The following PWWP2B variants were observed in gnomAD, a reference collection of about 807,000 sequenced individuals.
PWWP2B encodes the protein PWWP domain containing 2B, also known as PWWP domain-containing protein 2B.
A neutral mutation model predicts 15.5 loss-of-function variants in PWWP2B; 9 were observed. The observed-to-expected ratio is 0.58, with a 90% CI of 0.35 to 1.02. The LOEUF (loss-of-function observed/expected upper bound fraction) is 1.02. Among genes scored for constraint, PWWP2B ranks in the 50% least tolerant of loss-of-function variants. The probability of loss-of-function intolerance (pLI) is 0.02; values close to 1 mark genes in which losing one functional copy is unlikely to be tolerated. For synonymous variants in PWWP2B, 474 were observed against 403.6 expected, an observed-to-expected ratio of 1.17 and a Z score of -2.09; for missense variants, 864 against 865.3, an observed-to-expected ratio of 1.00 and a Z score of 0.02.
intron 2 of PWWP2B, among the ~76,000 whole-genome samples, chr10:132,414,632 G>A (rs909990784): frequency 3.9e-5 from 6 of 152,258 alleles, no homozygotes; most frequent in Non-Finnish European, 8.8e-5. Context: ...GCTGTCAGCC[G>A]TGGAGTGGGT....
chr10:132,415,324 A>AC (rs374918831), intron 2 of PWWP2B, among the ~76,000 whole-genome samples: 2,389 of 144,642 alleles, frequency 0.017, 38 homozygotes, highest in African/African-American at 0.052. Context: ...ATCCACACAC[A>AC]CCCCCCCACA....
intron 1 of PWWP2B, 150 bp from the exon 2 acceptor site, chr10:132,404,476 C>G: frequency 2.8e-6 from 2 of 702,606 alleles, no homozygotes; most frequent in Admixed American, 4.4e-5. Flanking sequence ...CATTGGTTTA[C>G]CGTCCTGAAA....
intron 2 of PWWP2B, 24 bp downstream of exon 2, chr10:132,406,313 C>G (rs752906885): frequency 1.3e-6 from 2 of 1,562,024 alleles, no homozygotes; most frequent in Non-Finnish European, 8.7e-7. Flanking sequence ...CGGCAGCCTC[C>G]TTCCCCCCAG....
rs555640694 is a variant in PWWP2B at position 132,405,423 on chromosome 10, C to T, written c.923C>T (p.Ala308Val). The T allele has an allele frequency of 3.4e-5, 54 of 1,610,306 alleles. No individual in the cohort carries two copies. Among genetic ancestry groups the T allele is most frequent in the Admixed American group, 5.0e-5 (3 of 59,952 alleles). ...DRESRDRPSC[A>V]PSASIPKLKL... ...GAGTCCCGGGACCGGCCGTCCTGCG[C>T]GCCCTCGGCCTCCATCCCCAAGTTG... Residue 308 changes from alanine (A) to valine (V), a missense_variant, in exon 2 of 3, where the codon GCG becomes GTG. Around this residue, in one of 2 missense-constraint regions of PWWP2B, gnomAD observed 736 missense variants for 687.7 expected, o/e 1.07. Coordinates refer to ENST00000305233, the MANE Select transcript of PWWP2B (RefSeq NM_138499.4).
At chr10:132,408,958 G>T (rs1478366680) in intron 2 of PWWP2B, among the ~76,000 whole-genome samples, 2 of 152,240 alleles carry the variant, frequency 1.3e-5, no homozygotes, top group Non-Finnish European at 2.9e-5. Flanking sequence ...ACGCATGGCT[G>T]TGACACACTT....
At position 132,405,049 on chromosome 10, in the gene PWWP2B, C is replaced by G. The variant is rs1311532906; in HGVS notation, c.549C>G (p.Ser183Arg). 1 of 1,514,452 alleles carries G rather than the reference C, an allele frequency of 6.6e-7. No individual in the cohort carries two copies. Among genetic ancestry groups the G allele is most frequent in the Non-Finnish European group, 8.8e-7 (1 of 1,135,216 alleles). The allele number at this position is 1,514,452 out of a possible 1,614,324, so 93.8% of individuals were successfully genotyped here. Residue 183 changes from serine to arginine, a missense_variant, in exon 2 of 3, where the codon AGC becomes AGG. Ser to Arg is a moderately radical substitution (Grantham distance 110, BLOSUM62 -1). This residue lies in a region of PWWP2B where 736 missense variants were observed against 687.7 expected (regional missense o/e 1.07). Coordinates refer to ENST00000305233, the MANE Select transcript of PWWP2B (RefSeq NM_138499.4). ...AGGTGCTCTGTGAGAAGTGCAAGAG[C>G]ACGCTGAGCCCCCCGGAGGCCAGCC... is the stretch of plus-strand genomic sequence containing the variant. ...PRQVLCEKCK[S>R]TLSPPEASPG...
chr10:132,398,605 G>T (rs1474324448), intron 1 of PWWP2B, among the ~76,000 whole-genome samples: 1 of 152,242 alleles, frequency 6.6e-6, no homozygotes, highest in Non-Finnish European at 1.5e-5. Flanking sequence ...CTTGACTCGG[G>T]ACAAGGGAGG....
In PWWP2B at chr10:132,397,364, G is replaced by T; in HGVS notation, c.125+13G>T. The T allele has an allele frequency of 7.6e-7, 1 of 1,308,216 alleles. No homozygotes were observed. Among genetic ancestry groups the T allele is most frequent in the Non-Finnish European group, 9.8e-7 (1 of 1,019,424 alleles). 81.0% of individuals were successfully genotyped at this position (1,308,216 alleles called of 1,614,324 possible). A position where few individuals can be genotyped will look rare whatever the true frequency, so the allele number is the denominator to read the frequency against. ...ACTGCACGAAAAAGTGAGCGGGGGC[G>T]CGGGCCGGGACACCCCCGGGGTCCC... On this transcript the variant is annotated intron_variant, in intron 1 of 2. Transcript: ENST00000305233.
intron 2 of PWWP2B, among the ~76,000 whole-genome samples, chr10:132,406,605 T>G (rs1265819781): frequency 6.6e-6 from 1 of 152,250 alleles, no homozygotes; most frequent in African/African-American, 2.4e-5. Flanking sequence ...AGTCGTTGTT[T>G]GGAGTCAGGG....
At chr10:132,415,094 ACTG>A (rs1466395092) in intron 2 of PWWP2B, among the ~76,000 whole-genome samples, 2 of 152,206 alleles carry the variant, frequency 1.3e-5, no homozygotes, top group South Asian at 2.1e-4. Context: ...TAGACGATGT[ACTG>A]CTGCTGCTGC....
At chr10:132,414,843 A>G (rs1235388367) in intron 2 of PWWP2B, among the ~76,000 whole-genome samples, 1 of 152,174 alleles carries the variant, frequency 6.6e-6, no homozygotes, top group Non-Finnish European at 1.5e-5. Context: ...GGAGGCACTG[A>G]CGCATGGCTC....
At chr10:132,402,128 C>T (rs1306152759) in intron 1 of PWWP2B, among the ~76,000 whole-genome samples, 1 of 152,254 alleles carries the variant, frequency 6.6e-6, no homozygotes, top group Non-Finnish European at 1.5e-5. Flanking sequence ...GCTCAGGCTG[C>T]CCCCCACCCA....
intron 1 of PWWP2B, among the ~76,000 whole-genome samples, chr10:132,402,995 G>A (rs2069632587): frequency 6.6e-6 from 1 of 152,236 alleles, no homozygotes; most frequent in Non-Finnish European, 1.5e-5. Context: ...GCACCGCCCG[G>A]GACTGGCCTC....
At chr10:132,413,279 A>G (rs2069805411) in intron 2 of PWWP2B, among the ~76,000 whole-genome samples, 2 of 152,262 alleles carry the variant, frequency 1.3e-5, no homozygotes, top group Admixed American at 1.3e-4. Context: ...AAAATATAAC[A>G]ACATAATGTC....
At position 132,415,669 on chromosome 10, in the gene PWWP2B, TCA is replaced by T. The variant is rs752503185; in HGVS notation, c.*17-1383_*17-1382del. Among the ~76,000 whole-genome samples the T allele has an allele frequency of 3.5e-3, 479 of 135,310 alleles. 3 individuals carry two copies. Among genetic ancestry groups the T allele is most frequent in the Non-Finnish European group, 5.1e-3 (327 of 64,284 alleles). The allele number at this position is 135,310 out of a possible 152,430, so 88.8% of individuals were successfully genotyped here. On this transcript the variant is annotated intron_variant, in intron 2 of 2. Coordinates refer to ENST00000305233, the MANE Select transcript of PWWP2B (RefSeq NM_138499.4). The stretch of plus-strand genomic sequence containing the variant: ...CTCACACACACATGCACTCACACAC[TCA>T]CACACACATATCCACACACACATGC...
chr10:132,400,714 C>T (rs1002681600), intron 1 of PWWP2B, among the ~76,000 whole-genome samples: 3 of 152,232 alleles, frequency 2.0e-5, no homozygotes, highest in African/African-American at 7.2e-5. Flanking sequence ...TAGACTGACA[C>T]TGGAGCATAG....
chr10:132,415,579 C>T (rs771204485), intron 2 of PWWP2B, among the ~76,000 whole-genome samples: 18 of 136,230 alleles, frequency 1.3e-4, no homozygotes, highest in South Asian at 4.7e-4. Flanking sequence ...ACACACACAT[C>T]CACTCACACA....
intron 1 of PWWP2B, among the ~76,000 whole-genome samples, chr10:132,399,918 G>C (rs1261964737): frequency 6.6e-6 from 1 of 152,194 alleles, no homozygotes; most frequent in Non-Finnish European, 1.5e-5. Flanking sequence ...GTATTTATCG[G>C]CCTCCCCCAG....
In PWWP2B at chr10:132,405,277, G is replaced by A. The variant is rs150518131; in HGVS notation, c.777G>A (p.Thr259=). Residue 259 remains threonine (T), a synonymous_variant, in exon 2 of 3, where the codon ACG becomes ACA. Transcript: ENST00000305233. ...RSPVIKISYS[T]PQGKGEVVKI... ...CGGTCATCAAGATCTCCTACAGCAC[G>A]CCCCAGGGCAAGGGAGAGGTGGTCA... 9.3e-6 allele frequency: 15 copies of A among 1,611,778 alleles called. No homozygotes were observed. The East Asian group carries it at 1.1e-4, about 12-fold the overall frequency.
Sources: gnomAD v4.1 joint callset for allele counts (sites outside exome capture counted in the v4.1 genomes callset) on GRCh38, gnomAD v4.1.1 for gene constraint, gnomAD v4.1.1 regional missense constraint, MANE v1.5 for transcripts, NCBI Gene and HGNC (gene_info 2026-07-23, HGNC 2026-07-21) for gene names.